Variants in ANXA6 observed in about 807,000 individuals in gnomAD.
ANXA6 encodes the protein annexin A6.
A neutral mutation model predicts 95.4 loss-of-function variants in ANXA6; 71 were observed. The ratio of observed to expected loss-of-function variants is 0.74; its 90% CI spans 0.61 to 0.91. The LOEUF (loss-of-function observed/expected upper bound fraction) is 0.91. Among genes scored for constraint, ANXA6 ranks in the 40% least tolerant of loss-of-function variants. The pLI, the probability that ANXA6 is intolerant of heterozygous loss-of-function variation, is 0.00. For missense variants in ANXA6, 830 were observed against 876.4 expected, an observed-to-expected ratio of 0.95 and a Z score of 0.67; for synonymous variants, 289 against 315.9, an observed-to-expected ratio of 0.91 and a Z score of 0.90.
intron 2 of ANXA6, among the ~76,000 whole-genome samples, chr5:151,143,276 C>A (rs972979684): frequency 2.0e-5 from 3 of 152,184 alleles, no homozygotes; most frequent in Admixed American, 6.5e-5. Context: ...ACAACCACCA[C>A]ATAGCCCACT....
rs777887498 is a variant in ANXA6, at chr5:151,137,281, G to A, written c.359C>T (p.Ala120Val). The A allele has an allele frequency of 1.9e-6, 3 of 1,613,542 alleles. No homozygotes were observed. The highest frequency in any genetic ancestry group is 2.5e-6 in the Non-Finnish European group (3 of 1,179,836). Residue 120 changes from alanine (A) to valine (V), a missense_variant, in exon 6 of 26, where the codon GCT becomes GTT. By Grantham distance (64) the Ala-to-Val change is moderately conservative. Coordinates refer to ENST00000354546, the MANE Select transcript of ANXA6 (RefSeq NM_001155.5). ...TDEKCLIEIL[A>V]SRTNEQMHQL... ...GTGCATCTGCTCATTGGTCCGGGAA[G>A]CCAAGATCTCAATGAGGCACTTCTC... is the stretch of plus-strand genomic sequence containing the variant.
chr5:151,101,468 G>A lies in ANXA6; in HGVS notation c.2002C>T (p.Leu668Phe), dbSNP rs539676124. 2.6e-6 allele frequency: 4 copies of A among 1,560,802 alleles called. No homozygotes were observed. Among genetic ancestry groups the A allele is most frequent in the African/African-American group, 1.4e-5 (1 of 73,396 alleles). Reference sequence around the variant, plus strand: ...TGGCCCTAGTCCTCACCACCACAGAGAGCCAGCAAGGCCTTCAGGAAGTCT... The same window carrying A: ...TGGCCCTAGTCCTCACCACCACAGAAAGCCAGCAAGGCCTTCAGGAAGTCT... ...SGDFLKALLA[L>F]CGGED The change falls in exon 26 of 26, where the codon CTC becomes TTC. Residue 668 changes from leucine (L) to phenylalanine (F), a missense_variant. By Grantham distance (22) the Leu-to-Phe change is conservative. Transcript: ENST00000354546.
At chr5:151,139,270 A>G in intron 4 of ANXA6, 83 bp downstream of exon 4, 1 of 1,035,418 alleles carries the variant, frequency 9.7e-7, no homozygotes, top group Non-Finnish European at 1.4e-6. Flanking sequence ...TGCCATATCC[A>G]GGAAATAACC....
chr5:151,116,962 A>T (rs959454205), intron 20 of ANXA6, among the ~76,000 whole-genome samples, 165 bp downstream of exon 20: 1 of 152,084 alleles, frequency 6.6e-6, no homozygotes, highest in Non-Finnish European at 1.5e-5. Flanking sequence ...CCAGCACCAC[A>T]CTTCTAAACC....
chr5:151,103,869 G>A (rs902292355), intron 24 of ANXA6, among the ~76,000 whole-genome samples, 177 bp from the exon 25 acceptor site: 8 of 152,190 alleles, frequency 5.3e-5, no homozygotes, highest in Admixed American at 3.3e-4. Flanking sequence ...CCCAGGACTG[G>A]CCAGACTGAC....
At chr5:151,143,663 A>G (rs1765895676) in intron 2 of ANXA6, among the ~76,000 whole-genome samples, 1 of 152,090 alleles carries the variant, frequency 6.6e-6, no homozygotes, top group Non-Finnish European at 1.5e-5. Context: ...CCCAGGAAAT[A>G]TTTCCTTTCG....
Position 151,123,685 on chromosome 5 carries a change from T to A in ANXA6, c.1138+601A>T, listed in dbSNP as rs554739970. On this transcript the variant is annotated intron_variant, in intron 15 of 25. Transcript: ENST00000354546. The stretch of plus-strand genomic sequence containing the variant: ...AGGGTGATGGACTTAACCTAAAGCC[T>A]CCTGGGAGTTGCTGTCAGACAGATG... 3.9e-5 allele frequency among the ~76,000 whole-genome samples: 6 copies of A among 152,164 alleles called. No individual in the cohort carries two copies. The South Asian group carries it at 1.2e-3, about 32-fold the overall frequency.
chr5:151,111,645 T>C (rs550908766), intron 20 of ANXA6, among the ~76,000 whole-genome samples: 14 of 152,298 alleles, frequency 9.2e-5, no homozygotes, highest in African/African-American at 2.4e-4. Context: ...CTGGAGTACA[T>C]TGGCACAATC....
In ANXA6 at chr5:151,101,350, C is replaced by A; in HGVS notation, c.*98G>T. Reference sequence around the variant, plus strand: ...ACCCAACCCCTCCCCCCACCCCTGCCCCTTCCTTAGTCTCTGGAGCTGGAA... The same window carrying A: ...ACCCAACCCCTCCCCCCACCCCTGCACCTTCCTTAGTCTCTGGAGCTGGAA... On this transcript the variant is annotated 3_prime_UTR_variant, in exon 26 of 26. Coordinates refer to ENST00000354546, the MANE Select transcript of ANXA6 (RefSeq NM_001155.5). 2 of 462,398 alleles carry A rather than the reference C, an allele frequency of 4.3e-6. No individual in the cohort carries two copies. Among genetic ancestry groups the A allele is most frequent in the Non-Finnish European group, 4.4e-6 (1 of 229,318 alleles). 28.6% of individuals were successfully genotyped at this position (462,398 alleles called of 1,614,324 possible). A position where few individuals can be genotyped will look rare whatever the true frequency, so the allele number is the denominator to read the frequency against.
At chr5:151,117,086 G>T in intron 20 of ANXA6, 41 bp downstream of exon 20, 1 of 1,531,686 alleles carries the variant, frequency 6.5e-7, no homozygotes. Context: ...ACATCTCAGG[G>T]ACACCCGGCA....
chr5:151,119,248 T>TG (rs1485478679), intron 18 of ANXA6, 52 bp downstream of exon 18: 1 of 1,492,392 alleles, frequency 6.7e-7, no homozygotes, highest in East Asian at 2.3e-5. Context: ...GGTTGGAAGT[T>TG]GGGGGGCCTG....
At chr5:151,123,074 C>A in intron 15 of ANXA6, 63 bp from the exon 16 acceptor site, 1 of 1,377,104 alleles carries the variant, frequency 7.3e-7, no homozygotes, top group Non-Finnish European at 1.0e-6. Context: ...CCCCATGCAC[C>A]GCCCACTGAT....
At chr5:151,136,695 A>C (rs1765673291) in intron 6 of ANXA6, among the ~76,000 whole-genome samples, 1 of 152,202 alleles carries the variant, frequency 6.6e-6, no homozygotes, top group South Asian at 2.1e-4. Context: ...ACTTCTCATT[A>C]GACTCAGAAT....
chr5:151,128,561 G>C (rs1202281674), intron 12 of ANXA6, among the ~76,000 whole-genome samples: 1 of 152,172 alleles, frequency 6.6e-6, no homozygotes, highest in Non-Finnish European at 1.5e-5. Flanking sequence ...CAGTGCCCCA[G>C]CACAGCACTG....
intron 6 of ANXA6, 135 bp from the exon 7 acceptor site, chr5:151,136,470 G>A: frequency 1.4e-6 from 1 of 718,376 alleles, no homozygotes. Context: ...ATCATGGCAA[G>A]ACCCAGGGTA....
chr5:151,129,649 G>T, intron 11 of ANXA6, 120 bp from the exon 12 acceptor site: 1 of 1,151,766 alleles, frequency 8.7e-7, no homozygotes. Flanking sequence ...AGCAAAAGAA[G>T]CAGACATTGC....
chr5:151,151,338 C>T (rs1454638601), intron 1 of ANXA6: 1 of 152,170 alleles, frequency 6.6e-6, no homozygotes, highest in Non-Finnish European at 1.5e-5. Flanking sequence ...TTCTGAATCC[C>T]ACAAGGGCCC....
At chr5:151,146,458 A>T (rs556669403) in intron 2 of ANXA6, among the ~76,000 whole-genome samples, 115 of 152,240 alleles carry the variant, frequency 7.6e-4, no homozygotes, top group African/African-American at 2.6e-3. Flanking sequence ...ATCCTATAAC[A>T]TCCTGTGCTC....
intron 2 of ANXA6, among the ~76,000 whole-genome samples, chr5:151,145,080 C>A (rs745866755): frequency 1.8e-4 from 27 of 152,314 alleles, no homozygotes; most frequent in Admixed American, 9.1e-4. Context: ...GCTGCGGGAA[C>A]CCAGGATCAA....
Sources: gnomAD v4.1 joint callset for allele counts (sites outside exome capture counted in the v4.1 genomes callset) on GRCh38, gnomAD v4.1.1 for gene constraint, MANE v1.5 for transcripts, NCBI Gene and HGNC (gene_info 2026-07-23, HGNC 2026-07-21) for gene names.